Variants in BRPF3 observed in about 807,000 individuals in gnomAD.
BRPF3 encodes the protein bromodomain and PHD finger containing 3.
A neutral mutation model predicts 102.0 loss-of-function variants in BRPF3; 18 were observed. The observed-to-expected ratio is 0.18, with a 90% confidence interval of 0.12 to 0.26. BRPF3 has a LOEUF of 0.26. Ranked by LOEUF, BRPF3 falls within the 10% of genes least tolerant of loss-of-function variation. The pLI is 1.00. For synonymous variants in BRPF3, 570 were observed against 614.2 expected (o/e 0.93, Z 1.06); for missense variants, 1,147 against 1,567.8 (o/e 0.73, Z 4.53).
chr6:36,221,172 T>TG (rs1374263276), intron 9 of BRPF3, among the ~76,000 whole-genome samples: 12 of 152,182 alleles, frequency 7.9e-5, no homozygotes, highest in Non-Finnish European at 1.6e-4. Flanking sequence ...GGGCTTCAGT[T>TG]GCAACATTGC....
chr6:36,201,320 T>A lies in BRPF3; in HGVS notation c.998T>A (p.Leu333Gln), dbSNP rs1401689203. Residue 333 changes from leucine (L) to glutamine (Q), a missense_variant, in exon 2 of 13, where the codon CTA becomes CAA. Physicochemically the swap from Leu to Gln is moderately radical, Grantham distance 113. This residue lies in a region of BRPF3 where 44 missense variants were observed against 101.4 expected (regional missense o/e 0.43). Coordinates refer to ENST00000357641, the MANE Select transcript of BRPF3 (RefSeq NM_015695.3). This position sits in a 1 kb window ranked among gnomAD's most constrained non-coding sequence, Gnocchi z 5.1. ...LTCYICKQKGLGAAIQCHKVN... is the reference protein window; with the variant it reads ...LTCYICKQKGQGAAIQCHKVN... ...TGCTATATCTGCAAGCAGAAAGGGC[T>A]AGGTGCAGCCATCCAGTGCCATAAG... 3 of 1,614,018 alleles carry A rather than the reference T, an allele frequency of 1.9e-6. No homozygotes were observed. The highest frequency in any genetic ancestry group is 2.5e-6 in the Non-Finnish European group (3 of 1,180,026).
At chr6:36,223,507 A>G (rs1356598665) in intron 10 of BRPF3, among the ~76,000 whole-genome samples, 4 of 152,236 alleles carry the variant, frequency 2.6e-5, no homozygotes, top group Non-Finnish European at 5.9e-5. Flanking sequence ...CCATCACTGT[A>G]ACATGATTGT....
In BRPF3 at chr6:36,210,745, G is replaced by A. The variant is rs1387770306; in HGVS notation, c.2179+217G>A. ...CTGCACTTCTTAAGTGGTAGAAAAGGGGAATCAGGTACTAGTGGTCTGTTT... is the reference window on the plus strand; with the variant it reads ...CTGCACTTCTTAAGTGGTAGAAAAGAGGAATCAGGTACTAGTGGTCTGTTT... On this transcript the variant is annotated intron_variant, in intron 6 of 12. Transcript: ENST00000357641. The surrounding 1 kb of genome is among the most constrained non-coding windows in gnomAD (Gnocchi z 4.7). Among the ~76,000 whole-genome samples, 1 of 152,198 alleles carries A rather than the reference G, an allele frequency of 6.6e-6. No individual in the cohort carries two copies. The highest frequency in any genetic ancestry group is 2.4e-5 in the African/African-American group (1 of 41,440).
chr6:36,199,629 G>A (rs1767625015), intron 1 of BRPF3, among the ~76,000 whole-genome samples: 1 of 152,218 alleles, frequency 6.6e-6, no homozygotes, highest in African/African-American at 2.4e-5. Context: ...GAGCTTGACA[G>A]TGGATGCTTT....
At chr6:36,224,466 T>TG (rs1768664551) in intron 10 of BRPF3, among the ~76,000 whole-genome samples, 1 of 152,226 alleles carries the variant, frequency 6.6e-6, no homozygotes, top group African/African-American at 2.4e-5. Context: ...ATACCCAGTC[T>TG]CATTTCTGAC....
At chr6:36,213,508 A>T (rs890313623) in intron 7 of BRPF3, among the ~76,000 whole-genome samples, 7 of 152,136 alleles carry the variant, frequency 4.6e-5, no homozygotes, top group Admixed American at 2.6e-4. Context: ...AGCCTGGGCA[A>T]CACAGTAAGA....
At chr6:36,223,990 G>T (rs1768642284) in intron 10 of BRPF3, among the ~76,000 whole-genome samples, 1 of 152,082 alleles carries the variant, frequency 6.6e-6, no homozygotes. Context: ...TTTGGTATTG[G>T]ATTTTATCTT....
In BRPF3 at chr6:36,211,510, C is replaced by G. The variant is rs151275478; in HGVS notation, c.2432C>G (p.Ala811Gly). 8 of 1,563,488 alleles carry G rather than the reference C, an allele frequency of 5.1e-6. No homozygotes were observed. The African/African-American group carries it at 1.1e-4, about 21-fold the overall frequency. ...CCAGCAGGGCCCCAGGGGGATGCAG[C>G]TGTGCTGGAGCAGGCCTTGCAGGAG... Reference protein sequence around the residue: ...ELPAGPQGDAAVLEQALQEEP... With the variant: ...ELPAGPQGDAGVLEQALQEEP... Residue 811 changes from alanine (A) to glycine (G), a missense_variant, in exon 7 of 13, where the codon GCT (alanine) becomes GGT (glycine). Physicochemically the swap from Ala to Gly is moderately conservative, Grantham distance 60 (BLOSUM62 0). Around this residue, in one of 11 missense-constraint regions of BRPF3, gnomAD observed 379 missense variants for 426.3 expected, o/e 0.89. Transcript: ENST00000357641.
At position 36,230,510 on chromosome 6, in the gene BRPF3, C is replaced by T. The variant is rs200690839; in HGVS notation, c.3519C>T (p.Thr1173=). 96 of 1,614,184 alleles carry T rather than the reference C, an allele frequency of 5.9e-5. 2 individuals are homozygous for T. The South Asian group carries it at 1.0e-3, about 17-fold the overall frequency. ...TCAAGATGCTGGAAGGCCGCAAGAC[C>T]AGCATCCGCAAGTCAGTGCAGGTGG... ...DKLKMLEGRK[T]SIRKSVQVAY... Residue 1173 remains threonine (T), a synonymous_variant, in exon 13 of 13, where the codon ACC becomes ACT. Coordinates refer to ENST00000357641, the MANE Select transcript of BRPF3 (RefSeq NM_015695.3). This position sits in a 1 kb window ranked among gnomAD's most constrained non-coding sequence, Gnocchi z 5.4.
At chr6:36,222,774 C>T (rs1205923047) in intron 10 of BRPF3, among the ~76,000 whole-genome samples, 1 of 152,184 alleles carries the variant, frequency 6.6e-6, no homozygotes, top group Admixed American at 6.5e-5. Flanking sequence ...ATTTGCTTAG[C>T]CAGTCCTCTA....
chr6:36,220,615 A>C (rs1768500985), intron 9 of BRPF3, among the ~76,000 whole-genome samples: 1 of 152,198 alleles, frequency 6.6e-6, no homozygotes, highest in South Asian at 2.1e-4. Flanking sequence ...CTTGACGTGA[A>C]CTTTGAGAGG....
chr6:36,209,570 T>G (rs1321627332), intron 4 of BRPF3, among the ~76,000 whole-genome samples: 3 of 152,232 alleles, frequency 2.0e-5, no homozygotes. Flanking sequence ...AATTTTAGTA[T>G]GATGTTTGGT....
chr6:36,229,096 AG>A (rs1341466315), intron 12 of BRPF3, 40 bp downstream of exon 12: 1 of 1,601,176 alleles, frequency 6.2e-7, no homozygotes, highest in Non-Finnish European at 8.5e-7. Context: ...GGGGCACGCC[AG>A]GGGTCTGTGC....
chr6:36,230,155 T>C lies in BRPF3; in HGVS notation c.3435-271T>C, dbSNP rs1186392601. Among the ~76,000 whole-genome samples the C allele has an allele frequency of 6.6e-6, 1 of 152,068 alleles. No individual in the cohort carries two copies. Among genetic ancestry groups the C allele is most frequent in the African/African-American group, 2.4e-5 (1 of 41,382 alleles). On this transcript the variant is annotated intron_variant, in intron 12 of 12. Transcript: ENST00000357641. This position sits in a 1 kb window ranked among gnomAD's most constrained non-coding sequence, Gnocchi z 5.4. ...TGGGCCTTTCTTAGCCTATGGACCC[T>C]TACAACTCTCCAAACAGAGTAAGGG...
At chr6:36,220,921 C>T (rs553123422) in intron 9 of BRPF3, among the ~76,000 whole-genome samples, 2 of 152,310 alleles carry the variant, frequency 1.3e-5, no homozygotes, top group East Asian at 3.9e-4. Context: ...TCCAACCAGT[C>T]CCTACTCCTG....
intron 8 of BRPF3, 25 bp downstream of exon 8, chr6:36,214,411 G>A: frequency 6.6e-7 from 1 of 1,526,290 alleles, no homozygotes; most frequent in Non-Finnish European, 8.7e-7. Flanking sequence ...GACTTCTCTT[G>A]ATACTTCGCA....
intron 8 of BRPF3, among the ~76,000 whole-genome samples, chr6:36,215,215 C>T (rs1246146476): frequency 1.3e-5 from 2 of 152,080 alleles, no homozygotes; most frequent in Non-Finnish European, 2.9e-5. Context: ...CTCCTGGGTT[C>T]AAGCAATTCT....
At chr6:36,221,480 T>G (rs1262409090) in intron 9 of BRPF3, among the ~76,000 whole-genome samples, 10 of 151,848 alleles carry the variant, frequency 6.6e-5, no homozygotes, top group Non-Finnish European at 1.5e-4. Flanking sequence ...AGAGATGAGG[T>G]TTCACCATGT....
At position 36,208,912 on chromosome 6, in the gene BRPF3, G is replaced by A. The variant is rs143430646; in HGVS notation, c.1738-875G>A. Among the ~76,000 whole-genome samples, 525 of 152,324 alleles carry A rather than the reference G, an allele frequency of 3.4e-3. 2 individuals carry two copies. The highest frequency in any genetic ancestry group is 5.9e-3 in the Non-Finnish European group (403 of 68,028). On this transcript the variant is annotated intron_variant, in intron 4 of 12. Coordinates refer to ENST00000357641, the MANE Select transcript of BRPF3 (RefSeq NM_015695.3). ...ATGAAGCTACTTGCCACTTGCGGGG[G>A]CAAGCCTGGAGGCCCTGGTGACCCC...
Sources: allele counts gnomAD v4.1 joint callset (sites outside exome capture counted in the v4.1 genomes callset), GRCh38; gene constraint gnomAD v4.1.1; regional missense constraint gnomAD v4.1.1; non-coding constraint Gnocchi (gnomAD v3.1); transcripts MANE v1.5; gene names NCBI Gene and HGNC (gene_info 2026-07-23, HGNC 2026-07-21).